ZNF714: variants seen among roughly 807,000 people sequenced by gnomAD.
ZNF714 encodes zinc finger protein 714.
In ZNF714, 32 loss-of-function variants were observed where a neutral mutation model predicts 46.2. The ratio of observed to expected loss-of-function variants is 0.69; its 90% CI spans 0.52 to 0.93. The LOEUF is 0.93. Among genes scored for constraint, ZNF714 ranks in the 40% least tolerant of loss-of-function variants. The pLI is 0.00. For missense variants in ZNF714, 635 were observed against 646.3 expected, an observed-to-expected ratio of 0.98 and a Z score of 0.19; for synonymous variants, 199 against 213.1, an observed-to-expected ratio of 0.93 and a Z score of 0.58.
At position 21,117,347 on chromosome 19, in the gene ZNF714, C is replaced by T. The variant is rs751159017; in HGVS notation, c.683C>T (p.Pro228Leu). Residue 228 changes from proline to leucine, a missense_variant, in exon 5 of 5, where the codon CCC becomes CTC. Physicochemically the swap from Pro to Leu is moderately conservative, Grantham distance 98. Transcript: ENST00000456283. ...AAGATGATTCATACTGGAGAGAAAC[C>T]CTACAGATGTGAAGAATGTGGCAAA... ...THKMIHTGEKPYRCEECGKAF... is the reference protein window; with the variant it reads ...THKMIHTGEKLYRCEECGKAF... 6.2e-7 allele frequency: 1 copy of T among 1,612,292 alleles called. No homozygotes were observed.
At chr19:21,094,210 C>G (rs1226377349) in intron 2 of ZNF714, among the ~76,000 whole-genome samples, 2 of 151,968 alleles carry the variant, frequency 1.3e-5, no homozygotes, top group African/African-American at 4.8e-5. Flanking sequence ...AGGCTAGCCT[C>G]GAACTCCTGA....
chr19:21,108,647 A>G (rs73024647), intron 4 of ZNF714, among the ~76,000 whole-genome samples: 11,885 of 152,264 alleles, frequency 0.078, 520 homozygotes, highest in Non-Finnish European at 0.086. Flanking sequence ...GACCCTCACC[A>G]GAAGCAGATG....
intron 4 of ZNF714, among the ~76,000 whole-genome samples, chr19:21,108,756 G>A (rs989379984): frequency 6.6e-6 from 1 of 152,104 alleles, no homozygotes; most frequent in Non-Finnish European, 1.5e-5. Context: ...ATGCAAAATA[G>A]TTAATACAGT....
chr19:21,110,623 G>A (rs1276372204), intron 4 of ZNF714, among the ~76,000 whole-genome samples: 3 of 152,126 alleles, frequency 2.0e-5, no homozygotes, highest in Non-Finnish European at 4.4e-5. Flanking sequence ...TGCTTTTGTT[G>A]CAATTGCTTT....
At position 21,108,991 on chromosome 19, in the gene ZNF714, A is replaced by G. The variant is rs1006511672; in HGVS notation, c.143-7816A>G. ...GATTCCTGGTAAATTGACCCATTTG[A>G]CCATTATGTAATACTGTGTTTGTCC... On this transcript the variant is annotated intron_variant, in intron 4 of 4. Coordinates refer to ENST00000456283, the MANE Select transcript of ZNF714 (RefSeq NM_182515.4). Among the ~76,000 whole-genome samples, 17 of 152,274 alleles carry G rather than the reference A, an allele frequency of 1.1e-4. No homozygotes were observed. In the East Asian group the frequency reaches 2.3e-3, roughly 21 times the overall value.
chr19:21,108,929 C>T (rs1037274091), intron 4 of ZNF714, among the ~76,000 whole-genome samples: 1 of 152,122 alleles, frequency 6.6e-6, no homozygotes, highest in Admixed American at 6.6e-5. Context: ...GTTATATATA[C>T]AGACACATAT....
At chr19:21,082,395 T>C (rs1247821730) in intron 1 of ZNF714, 47 bp downstream of exon 1, 12 of 1,444,330 alleles carry the variant, frequency 8.3e-6, no homozygotes, top group Non-Finnish European at 1.1e-5. Flanking sequence ...AGGGGCGGGT[T>C]GTAAGCGGTG....
intron 4 of ZNF714, among the ~76,000 whole-genome samples, chr19:21,101,421 C>G (rs1226987405): frequency 6.6e-6 from 1 of 152,096 alleles, no homozygotes; most frequent in Non-Finnish European, 1.5e-5. Flanking sequence ...ATCATAATTT[C>G]CATTTTATTT....
chr19:21,115,436 C>T (rs1234442426), intron 4 of ZNF714, among the ~76,000 whole-genome samples: 1 of 151,876 alleles, frequency 6.6e-6, no homozygotes, highest in Non-Finnish European at 1.5e-5. Context: ...CTGCTTTCAG[C>T]ATCTTTTATG....
In ZNF714 at chr19:21,120,904, A is replaced by G. The variant is rs1395884038; in HGVS notation, c.*2572A>G. On this transcript the variant is annotated 3_prime_UTR_variant, in exon 5 of 5. Coordinates refer to ENST00000456283, the MANE Select transcript of ZNF714 (RefSeq NM_182515.4). ...TATGAGTATATATTTATGCACTTAT[A>G]TGGCATATTTTAGTACAGGAATACA... The G allele has an allele frequency of 6.6e-6, 1 of 152,212 alleles. No individual in the cohort carries two copies. Among genetic ancestry groups the G allele is most frequent in the East Asian group, 1.9e-4 (1 of 5,198 alleles). 9.4% of individuals were successfully genotyped at this position (152,212 alleles called of 1,614,324 possible).
chr19:21,086,744 C>T (rs1292975921), intron 2 of ZNF714, among the ~76,000 whole-genome samples: 2 of 152,160 alleles, frequency 1.3e-5, no homozygotes, highest in Non-Finnish European at 2.9e-5. Context: ...CTATTTTATC[C>T]AGCCCCTATT....
At chr19:21,114,435 C>CAAA (rs34487712) in intron 4 of ZNF714, among the ~76,000 whole-genome samples, 12 of 124,834 alleles carry the variant, frequency 9.6e-5, no homozygotes, top group South Asian at 8.1e-4. Flanking sequence ...GACTCCATCT[C>CAAA]AAAAAAAAAA....
At chr19:21,099,644 T>G (rs1479321192) in intron 4 of ZNF714, among the ~76,000 whole-genome samples, 2 of 152,196 alleles carry the variant, frequency 1.3e-5, no homozygotes, top group African/African-American at 4.8e-5. Context: ...AATTATAAAT[T>G]ATGATGTCCT....
intron 4 of ZNF714, among the ~76,000 whole-genome samples, chr19:21,100,618 T>G (rs1413902872): frequency 6.6e-6 from 1 of 152,198 alleles, no homozygotes; most frequent in African/African-American, 2.4e-5. Context: ...TAAGATTGTT[T>G]TCTTTATTGC....
rs1035445353 is a variant in ZNF714 at position 21,124,117 on chromosome 19, G to A, written c.*5785G>A. ...AAAGTAAAAATCCTAAAGTACATTG[G>A]CTTCTCCCATGCAATGTGCTGGGTC... On this transcript the variant is annotated 3_prime_UTR_variant, in exon 5 of 5. Coordinates refer to ENST00000456283, the MANE Select transcript of ZNF714 (RefSeq NM_182515.4). 4.6e-5 allele frequency: 7 copies of A among 152,108 alleles called. No individual in the cohort carries two copies. Among genetic ancestry groups the A allele is most frequent in the Admixed American group, 4.6e-4 (7 of 15,282 alleles). The allele number at this position is 152,108 out of a possible 1,614,324, so 9.4% of individuals were successfully genotyped here.
At position 21,082,217 on chromosome 19, in the gene ZNF714, C is replaced by G. The variant is rs1308384084; in HGVS notation, c.-308C>G. The stretch of plus-strand genomic sequence containing the variant: ...GCGGGGCCTTTGTCTCTCGCTGCAG[C>G]TGGAGCTGCAGGTCTCGCCTTCACT... On this transcript the variant is annotated 5_prime_UTR_variant, in exon 1 of 5. Transcript: ENST00000456283. The G allele has an allele frequency of 2.0e-6, 2 of 976,136 alleles. No homozygotes were observed. Among genetic ancestry groups the G allele is most frequent in the South Asian group, 2.7e-5 (2 of 73,952 alleles). The allele number at this position is 976,136 out of a possible 1,614,324, so 60.5% of individuals were successfully genotyped here.
intron 2 of ZNF714, among the ~76,000 whole-genome samples, chr19:21,089,416 A>G (rs1968856524): frequency 6.6e-6 from 1 of 152,252 alleles, no homozygotes; most frequent in South Asian, 2.1e-4. Context: ...TTTTACCAAA[A>G]GTAACTTCAC....
rs1968666626 is a variant in ZNF714 at position 21,082,237 on chromosome 19, T to C, written c.-288T>C. 3 of 1,204,112 alleles carry C rather than the reference T, an allele frequency of 2.5e-6. No homozygotes were observed. Among genetic ancestry groups the C allele is most frequent in the Non-Finnish European group, 2.3e-6 (2 of 868,364 alleles). The allele number at this position is 1,204,112 out of a possible 1,614,324, so 74.6% of individuals were successfully genotyped here. A position where few individuals can be genotyped will look rare whatever the true frequency, so the allele number is the denominator to read the frequency against. On this transcript the variant is annotated 5_prime_UTR_variant, in exon 1 of 5. Transcript: ENST00000456283. ...TGCAGCTGGAGCTGCAGGTCTCGCC[T>C]TCACTGCCCTGTGTCCTCTGCTCGC...
At position 21,121,029 on chromosome 19, in the gene ZNF714, TTTGTTGTTGTTGTTC is replaced by T. The variant is rs1380970486; in HGVS notation, c.*2710_*2724del. ...CCAAACCTACACTTTTTAAAAATTTTTTGTTGTTGTTGTTCTTGTTGTTGTTGAGACGGAGTCTCG... is the reference window on the plus strand; with the variant it reads ...CCAAACCTACACTTTTTAAAAATTTTTTGTTGTTGTTGAGACGGAGTCTCG... On this transcript the variant is annotated 3_prime_UTR_variant, in exon 5 of 5. Transcript: ENST00000456283. 7.2e-5 allele frequency: 11 copies of T among 152,126 alleles called. No homozygotes were observed. The highest frequency in any genetic ancestry group is 1.5e-4 in the Non-Finnish European group (10 of 68,034). The allele number at this position is 152,126 out of a possible 1,614,324, so 9.4% of individuals were successfully genotyped here.
Sources: gnomAD v4.1 joint callset for allele counts (sites outside exome capture counted in the v4.1 genomes callset) on GRCh38, gnomAD v4.1.1 for gene constraint, MANE v1.5 for transcripts, NCBI Gene and HGNC (gene_info 2026-07-23, HGNC 2026-07-21) for gene names.